Variants in SOX6 observed in about 807,000 individuals in gnomAD.
The protein encoded by SOX6 is transcription factor SOX-6.
In SOX6, 11 loss-of-function variants were observed where a neutral mutation model predicts 97.8. That is an observed-to-expected ratio of 0.11 (90% confidence interval 0.07 to 0.19). The LOEUF (loss-of-function observed/expected upper bound fraction) is 0.19, where lower values mean the gene tolerates loss of function less well. SOX6 is among the 10% of genes least tolerant of loss of function. The pLI, the probability that SOX6 is intolerant of heterozygous loss-of-function variation, is 1.00. For synonymous variants in SOX6, 360 were observed against 371.4 expected (o/e 0.97, Z 0.35); for missense variants, 810 against 1,039.5 (o/e 0.78, Z 3.04).
At chr11:16,531,614 C>T (rs1861237556) in intron 4 of SOX6, among the ~76,000 whole-genome samples, 1 of 151,640 alleles carries the variant, frequency 6.6e-6, no homozygotes. Flanking sequence ...GATATAAATC[C>T]AGGTCTTCTG....
chr11:16,410,984 G>GAA (rs201866562), intron 1 of SOX6, among the ~76,000 whole-genome samples: 90 of 130,202 alleles, frequency 6.9e-4, no homozygotes, highest in African/African-American at 2.3e-3. Flanking sequence ...GTGAGTGACT[G>GAA]AAAAAAAAAA....
intron 2 of SOX6, among the ~76,000 whole-genome samples, chr11:16,325,602 C>A (rs1451650477): frequency 6.6e-6 from 1 of 152,036 alleles, no homozygotes; most frequent in Non-Finnish European, 1.5e-5. Flanking sequence ...TTCCCTCTAC[C>A]AAACACAGAA....
At chr11:16,516,288 G>A (rs979086785) in intron 4 of SOX6, among the ~76,000 whole-genome samples, 11 of 151,808 alleles carry the variant, frequency 7.2e-5, no homozygotes, top group African/African-American at 2.4e-4. Context: ...GGATTCCTAG[G>A]TATTTTATTC....
chr11:16,439,255 A>G (rs1051485622), intron 1 of SOX6, among the ~76,000 whole-genome samples: 6 of 152,230 alleles, frequency 3.9e-5, no homozygotes, highest in African/African-American at 1.4e-4. Flanking sequence ...ATACAGAACC[A>G]GATAAACAGA....
At chr11:16,106,075 C>G (rs557309020) in intron 7 of SOX6, among the ~76,000 whole-genome samples, 2 of 152,140 alleles carry the variant, frequency 1.3e-5, no homozygotes, top group Admixed American at 1.3e-4. Context: ...AATGGAAAAG[C>G]ATCTGTGCTC....
intron 3 of SOX6, among the ~76,000 whole-genome samples, chr11:16,684,158 T>C (rs1847950800): frequency 6.6e-6 from 1 of 152,238 alleles, no homozygotes; most frequent in African/African-American, 2.4e-5. Flanking sequence ...TCAACCATTG[T>C]GGAAGACAGT....
intron 6 of SOX6, among the ~76,000 whole-genome samples, chr11:16,174,791 A>G (rs16924862): frequency 0.06 from 9,082 of 152,052 alleles, 664 homozygotes; most frequent in East Asian, 0.37. Flanking sequence ...ACATAATTTC[A>G]ACTGTCTTTA....
In SOX6 at chr11:15,968,152, T is replaced by C. The variant is rs1853195163; in HGVS notation, c.*4657A>G. The stretch of plus-strand genomic sequence containing the variant: ...GAAAACATGTCAGGGAGCAGATGAC[T>C]TAAGGAAATGATGCAAGTGCTTTTG... On this transcript the variant is annotated 3_prime_UTR_variant, in exon 16 of 16. Coordinates refer to ENST00000683767, the MANE Select transcript of SOX6 (RefSeq NM_001367873.1). The C allele has an allele frequency of 6.6e-6, 1 of 152,168 alleles. No individual in the cohort carries two copies. Among genetic ancestry groups the C allele is most frequent in the South Asian group, 2.1e-4 (1 of 4,834 alleles). The allele number at this position is 152,168 out of a possible 1,614,324, so 9.4% of individuals were successfully genotyped here.
At chr11:16,413,812 G>A (rs904608715) in intron 1 of SOX6, among the ~76,000 whole-genome samples, 3 of 107,146 alleles carry the variant, frequency 2.8e-5, no homozygotes, top group Non-Finnish European at 4.1e-5. Context: ...GAGCCACCGC[G>A]CCCGGCCGAG....
At chr11:16,730,736 A>C (rs766114475) in intron 2 of SOX6, among the ~76,000 whole-genome samples, 47 of 152,316 alleles carry the variant, frequency 3.1e-4, no homozygotes, top group Non-Finnish European at 5.4e-4. Context: ...GACAAGAAAT[A>C]ACTAAGATGA....
chr11:16,583,638 C>CATATATATATATATATACATATAT (rs1329710047), intron 4 of SOX6, among the ~76,000 whole-genome samples: 1 of 104,606 alleles, frequency 9.6e-6, no homozygotes, highest in Non-Finnish European at 2.2e-5. Flanking sequence ...TATATATATA[C>CATATATATATATATATACATATAT]ACATACACAC....
intron 9 of SOX6, among the ~76,000 whole-genome samples, chr11:16,071,525 A>G (rs951171062): frequency 3.7e-4 from 56 of 151,716 alleles, no homozygotes; most frequent in African/African-American, 1.3e-3. Context: ...AAGGGGACAC[A>G]GCCTCCTGTT....
intron 3 of SOX6, among the ~76,000 whole-genome samples, chr11:16,302,480 C>G (rs576027698): frequency 6.6e-6 from 1 of 150,800 alleles, no homozygotes; most frequent in African/African-American, 2.4e-5. Context: ...AAATCTAGCT[C>G]GAATGTCAAT....
intron 9 of SOX6, among the ~76,000 whole-genome samples, chr11:16,085,676 GC>G: frequency 6.6e-6 from 1 of 152,212 alleles, no homozygotes; most frequent in Middle Eastern, 3.4e-3. Flanking sequence ...GAGCAACATA[GC>G]ATTCTTATCC....
At chr11:16,222,523 A>G (rs1037879672) in intron 4 of SOX6, among the ~76,000 whole-genome samples, 3 of 152,100 alleles carry the variant, frequency 2.0e-5, no homozygotes, top group African/African-American at 7.2e-5. Flanking sequence ...CCTACGTACA[A>G]GGTTTAATAT....
At chr11:16,107,392 T>C (rs547875730) in intron 7 of SOX6, among the ~76,000 whole-genome samples, 9 of 143,262 alleles carry the variant, frequency 6.3e-5, no homozygotes, top group South Asian at 4.2e-4. Context: ...TATACATATA[T>C]ATGTATATAT....
At chr11:16,105,983 A>T (rs954342689) in intron 7 of SOX6, among the ~76,000 whole-genome samples, 1 of 152,164 alleles carries the variant, frequency 6.6e-6, no homozygotes, top group Non-Finnish European at 1.5e-5. Flanking sequence ...ACACTTAGGG[A>T]TAAATCTAAC....
chr11:16,344,226 T>C (rs1356554342), intron 1 of SOX6, among the ~76,000 whole-genome samples: 1 of 151,950 alleles, frequency 6.6e-6, no homozygotes, highest in African/African-American at 2.4e-5. Flanking sequence ...TTTGTTTACA[T>C]CTTTTTTTTA....
intron 4 of SOX6, among the ~76,000 whole-genome samples, chr11:16,587,246 T>C (rs1324819233): frequency 1.3e-5 from 2 of 152,326 alleles, no homozygotes; most frequent in East Asian, 3.9e-4. Flanking sequence ...AGGTTTAGAT[T>C]TGGTTCTGCC....
Sources: gnomAD v4.1 joint callset for allele counts (sites outside exome capture counted in the v4.1 genomes callset) on GRCh38, gnomAD v4.1.1 for gene constraint, MANE v1.5 for transcripts, NCBI Gene and HGNC (gene_info 2026-07-23, HGNC 2026-07-21) for gene names.